Variants in CACNB2 observed in about 807,000 individuals in gnomAD.
CACNB2 encodes the protein calcium voltage-gated channel auxiliary subunit beta 2.
A neutral mutation model predicts 73.3 loss-of-function variants in CACNB2; 42 were observed. The observed-to-expected ratio is 0.57, with a 90% CI of 0.45 to 0.74. The LOEUF (loss-of-function observed/expected upper bound fraction) is 0.74. Ranked by LOEUF, CACNB2 falls within the 30% of genes least tolerant of loss-of-function variation. CACNB2 has a pLI of 0.00. For synonymous variants in CACNB2, 348 were observed against 310.3 expected (o/e 1.12, Z -1.28); for missense variants, 940 against 853.0 (o/e 1.10, Z -1.27).
Position 18,150,881 on chromosome 10 carries a change from A to G in CACNB2, c.121-2A>G, listed in dbSNP as rs750396182. 7 of 296,986 alleles carry G rather than the reference A, an allele frequency of 2.4e-5. No homozygotes were observed. The highest frequency in any genetic ancestry group is 9.5e-5 in the South Asian group (1 of 10,534). The allele number at this position is 296,986 out of a possible 1,614,324, so 18.4% of individuals were successfully genotyped here. On this transcript the variant is annotated splice_acceptor_variant, in intron 1 of 13. Coordinates refer to ENST00000324631, the MANE Select transcript of CACNB2 (RefSeq NM_201596.3). LOFTEE classifies it high-confidence loss of function. ...TTTTTTTTTTTTTTTTTTTTTTTTTAGTCATATGGAAAAGGAGCCAGAAGG... is the reference window on the plus strand; with the variant it reads ...TTTTTTTTTTTTTTTTTTTTTTTTTGGTCATATGGAAAAGGAGCCAGAAGG...
At chr10:18,296,279 T>C (rs558905712) in intron 2 of CACNB2, among the ~76,000 whole-genome samples, 1 of 152,150 alleles carries the variant, frequency 6.6e-6, no homozygotes, top group East Asian at 1.9e-4. Context: ...TCTCCTTTGT[T>C]CCCTTTCTGG....
chr10:18,491,844 AAAAG>A (rs1205243479), intron 3 of CACNB2, among the ~76,000 whole-genome samples: 4 of 144,502 alleles, frequency 2.8e-5, no homozygotes, highest in Non-Finnish European at 6.0e-5. Flanking sequence ...AAAAAAAAAA[AAAAG>A]CCTGAGCGTT....
At chr10:18,477,019 C>CA (rs35846838) in intron 3 of CACNB2, among the ~76,000 whole-genome samples, 17,933 of 122,290 alleles carry the variant, frequency 0.15, 1,195 homozygotes, top group Admixed American at 0.21. Flanking sequence ...GATTGAATCT[C>CA]AAAAAAAAAA....
chr10:18,356,942 C>CTTTTTTTTTTT (rs71402158), intron 2 of CACNB2, among the ~76,000 whole-genome samples: 1,263 of 100,674 alleles, frequency 0.013, 97 homozygotes, highest in Non-Finnish European at 0.02. Flanking sequence ...GACTCAATTT[C>CTTTTTTTTTTT]TTTTTTTTTT....
intron 3 of CACNB2, among the ~76,000 whole-genome samples, chr10:18,456,041 G>A (rs1415639359): frequency 6.6e-6 from 1 of 152,162 alleles, no homozygotes; most frequent in African/African-American, 2.4e-5. Context: ...CTACATGCTT[G>A]CCTTTTTTTC....
rs1360690647 is a variant in CACNB2, at chr10:18,464,418, T to TTAAAAAAAAAAAAAAAAAAAAAAAA, written c.334-33937_334-33936insTAAAAAAAAAAAAAAAAAAAAAAAA. Among the ~76,000 whole-genome samples the TTAAAAAAAAAAAAAAAAAAAAAAAA allele has an allele frequency of 2.9e-4, 25 of 85,298 alleles. 2 individuals are homozygous for TTAAAAAAAAAAAAAAAAAAAAAAAA. The highest frequency in any genetic ancestry group is 3.2e-4 in the Non-Finnish European group (14 of 43,384). The allele number at this position is 85,298 out of a possible 152,430, so 56.0% of individuals were successfully genotyped here. ...CAGAGTGAGACCCTGTCTCAAAAAT[T>TTAAAAAAAAAAAAAAAAAAAAAAAA]AAAAAAAAAAAAAAAAAAAAAAGAA... On this transcript the variant is annotated intron_variant, in intron 3 of 13. Transcript: ENST00000324631.
intron 2 of CACNB2, among the ~76,000 whole-genome samples, chr10:18,363,750 C>T (rs1488348856): frequency 1.3e-5 from 2 of 151,654 alleles, no homozygotes; most frequent in Admixed American, 6.6e-5. Flanking sequence ...CTTGGTATGG[C>T]ACCTAACCTC....
At chr10:18,335,831 A>G (rs1214554218) in intron 2 of CACNB2, among the ~76,000 whole-genome samples, 3 of 151,740 alleles carry the variant, frequency 2.0e-5, no homozygotes. Context: ...ACACATACAC[A>G]CACAGTTATT....
intron 3 of CACNB2, among the ~76,000 whole-genome samples, chr10:18,446,560 G>A (rs2046745415): frequency 1.3e-5 from 2 of 152,108 alleles, no homozygotes; most frequent in African/African-American, 4.8e-5. Flanking sequence ...TAAAGGGAGT[G>A]CTTTCTAATG....
At chr10:18,207,522 ACT>A (rs2035146267) in intron 2 of CACNB2, among the ~76,000 whole-genome samples, 1 of 152,202 alleles carries the variant, frequency 6.6e-6, no homozygotes, top group Non-Finnish European at 1.5e-5. Context: ...TGGGGGAGAA[ACT>A]ATATATCTTA....
chr10:18,226,247 G>T (rs977057051), intron 2 of CACNB2, among the ~76,000 whole-genome samples: 1 of 151,780 alleles, frequency 6.6e-6, no homozygotes, highest in African/African-American at 2.4e-5. Context: ...GGCTAATTTC[G>T]AACTCCTGAG....
chr10:18,339,405 C>T (rs2041144777), intron 2 of CACNB2, among the ~76,000 whole-genome samples: 1 of 152,148 alleles, frequency 6.6e-6, no homozygotes, highest in Non-Finnish European at 1.5e-5. Flanking sequence ...CCTATAATCC[C>T]AGCTACTCAG....
chr10:18,380,149 A>G (rs2042954386), intron 2 of CACNB2, among the ~76,000 whole-genome samples: 1 of 152,180 alleles, frequency 6.6e-6, no homozygotes, highest in Non-Finnish European at 1.5e-5. Flanking sequence ...TTCAATGTAA[A>G]TTTTTAGTTT....
At position 18,539,230 on chromosome 10, in the gene CACNB2, G is replaced by C; in HGVS notation, c.1489G>C (p.Gly497Arg). 1 of 1,613,958 alleles carries C rather than the reference G, an allele frequency of 6.2e-7. No individual in the cohort carries two copies. Among genetic ancestry groups the C allele is most frequent in the East Asian group, 2.2e-5 (1 of 44,846 alleles). The change falls in exon 14 of 14, where the codon GGT becomes CGT. Residue 497 changes from glycine (G) to arginine (R), a missense_variant and splice_region_variant. Transcript: ENST00000324631. Reference sequence around the variant, plus strand: ...CCTGGTGTGCTCCTTTCGCTGCCAGGGTTCTCAAGGTGATCAGAGGACTGA... The same window carrying C: ...CCTGGTGTGCTCCTTTCGCTGCCAGCGTTCTCAAGGTGATCAGAGGACTGA... ...LSPTLASNSQ[G>R]SQGDQRTDRS...
At chr10:18,218,901 C>T (rs1008501642) in intron 2 of CACNB2, among the ~76,000 whole-genome samples, 8 of 152,060 alleles carry the variant, frequency 5.3e-5, no homozygotes, top group African/African-American at 1.7e-4. Context: ...CAGTGGCTCA[C>T]GCCTGTAATC....
chr10:18,159,995 T>C (rs957137599), intron 2 of CACNB2, among the ~76,000 whole-genome samples: 1 of 152,210 alleles, frequency 6.6e-6, no homozygotes, highest in Non-Finnish European at 1.5e-5. Flanking sequence ...TATAAAAATA[T>C]TGACCTTTTT....
At chr10:18,480,560 C>T (rs1352151796) in intron 3 of CACNB2, among the ~76,000 whole-genome samples, 1 of 152,198 alleles carries the variant, frequency 6.6e-6, no homozygotes, top group Non-Finnish European at 1.5e-5. Flanking sequence ...AAGAAAGTAT[C>T]CTGAGCCTAA....
At chr10:18,354,266 C>CT (rs1409744205) in intron 2 of CACNB2, among the ~76,000 whole-genome samples, 1 of 152,116 alleles carries the variant, frequency 6.6e-6, no homozygotes, top group African/African-American at 2.4e-5. Flanking sequence ...GTGTTAGCTC[C>CT]TTTTTTTCCT....
At chr10:18,169,779 G>A (rs915268846) in intron 2 of CACNB2, among the ~76,000 whole-genome samples, 7 of 152,108 alleles carry the variant, frequency 4.6e-5, no homozygotes, top group Non-Finnish European at 7.3e-5. Flanking sequence ...TATGCTGATC[G>A]TCTAAAAGAG....
Sources: allele counts gnomAD v4.1 joint callset (sites outside exome capture counted in the v4.1 genomes callset), GRCh38; gene constraint gnomAD v4.1.1; transcripts MANE v1.5; gene names NCBI Gene and HGNC (gene_info 2026-07-23, HGNC 2026-07-21).